Variants in ELP1 observed in about 807,000 individuals in gnomAD.
ELP1 encodes elongator acetyltransferase complex subunit 1, also known as elongator complex protein 1.
In ELP1, 131 loss-of-function variants were observed where a neutral mutation model predicts 183.2. The ratio of observed to expected loss-of-function variants is 0.72; its 90% CI spans 0.62 to 0.83. The LOEUF (loss-of-function observed/expected upper bound fraction) is 0.83. Among genes scored for constraint, ELP1 ranks in the 40% least tolerant of loss-of-function variants. The pLI is 0.00. For synonymous variants in ELP1, 555 were observed against 569.0 expected (o/e 0.98, Z 0.35); for missense variants, 1,550 against 1,594.9 (o/e 0.97, Z 0.48).
chr9:108,890,311 A>G (rs1278590444), intron 28 of ELP1, among the ~76,000 whole-genome samples: 1 of 150,960 alleles, frequency 6.6e-6, no homozygotes, highest in East Asian at 1.9e-4. Context: ...TGATAATCCC[A>G]TACACTGGTA....
At chr9:108,928,249 A>G (rs1829881671) in intron 3 of ELP1, among the ~76,000 whole-genome samples, 1 of 152,332 alleles carries the variant, frequency 6.6e-6, no homozygotes, top group Non-Finnish European at 1.5e-5. Context: ...GGATATCAAG[A>G]GAATAGACCT....
chr9:108,880,596 T>C (rs62577314), intron 31 of ELP1, among the ~76,000 whole-genome samples: 8,079 of 152,220 alleles, frequency 0.053, 324 homozygotes, highest in South Asian at 0.13. Context: ...CTAATAAATA[T>C]TGTCCAATGG....
At chr9:108,915,284 C>G (rs1304216898) in intron 10 of ELP1, among the ~76,000 whole-genome samples, 1 of 105,548 alleles carries the variant, frequency 9.5e-6, no homozygotes, top group African/African-American at 4.3e-5. Flanking sequence ...TAGGCTATGG[C>G]ACCCAGCTAT....
rs912180365 is a variant in ELP1, at chr9:108,902,977, G to A, written c.1751-35C>T. The A allele has an allele frequency of 5.3e-6, 8 of 1,505,790 alleles. No individual in the cohort carries two copies. The African/African-American group carries it at 8.2e-5, about 16-fold the overall frequency. The allele number at this position is 1,505,790 out of a possible 1,614,324, so 93.3% of individuals were successfully genotyped here. A position where few individuals can be genotyped will look rare whatever the true frequency, so the allele number is the denominator to read the frequency against. On this transcript the variant is annotated intron_variant, in intron 15 of 36. Transcript: ENST00000374647. Reference sequence around the variant, plus strand: ...TCACAGATCTAGTTCACAAATAGCTGATGCGCTCTTTGCAAAAAACCATCA... The same window carrying A: ...TCACAGATCTAGTTCACAAATAGCTAATGCGCTCTTTGCAAAAAACCATCA...
intron 14 of ELP1, among the ~76,000 whole-genome samples, chr9:108,904,064 A>C (rs900978974): frequency 5.3e-5 from 8 of 152,170 alleles, no homozygotes; most frequent in African/African-American, 1.9e-4. Context: ...TACCAATATC[A>C]TTTCTGTCTG....
chr9:108,917,488 C>G, intron 9 of ELP1, 59 bp downstream of exon 9: 1 of 1,451,842 alleles, frequency 6.9e-7, no homozygotes, highest in Non-Finnish European at 9.5e-7. Flanking sequence ...AAAAAAAATT[C>G]CCTCTATAGC....
At chr9:108,870,042 C>G (rs1827386426) in intron 36 of ELP1, among the ~76,000 whole-genome samples, 1 of 152,026 alleles carries the variant, frequency 6.6e-6, no homozygotes, top group Non-Finnish European at 1.5e-5. Context: ...GTGGCACGAT[C>G]ATGACTCACT....
At chr9:108,932,232 A>T (rs970380425) in intron 1 of ELP1, among the ~76,000 whole-genome samples, 1 of 152,258 alleles carries the variant, frequency 6.6e-6, no homozygotes, top group African/African-American at 2.4e-5. Flanking sequence ...GATAAGAGAA[A>T]GGTAAGTTTA....
chr9:108,899,521 T>A (rs1828688693), intron 20 of ELP1, among the ~76,000 whole-genome samples: 2 of 152,094 alleles, frequency 1.3e-5, no homozygotes, highest in African/African-American at 4.8e-5. Flanking sequence ...CAAGGTTTGG[T>A]GTGTACAATC....
Position 108,869,195 on chromosome 9 carries a change from A to C in ELP1, c.3932-13T>G. On this transcript the variant is annotated splice_polypyrimidine_tract_variant and intron_variant, in intron 36 of 36. Coordinates refer to ENST00000374647, the MANE Select transcript of ELP1 (RefSeq NM_003640.5). ...AAAAGCTCAGCATCTAAAAGCAAGA[A>C]AGGAAGGGAAATTGTGACAGACATA... 1 of 1,612,650 alleles carries C rather than the reference A, an allele frequency of 6.2e-7. No homozygotes were observed. The highest frequency in any genetic ancestry group is 8.5e-7 in the Non-Finnish European group (1 of 1,178,636).
chr9:108,895,792 T>C (rs979415343), intron 25 of ELP1, among the ~76,000 whole-genome samples: 14 of 152,086 alleles, frequency 9.2e-5, no homozygotes, highest in African/African-American at 3.1e-4. Flanking sequence ...TCATAGCAAA[T>C]GTACCAACAT....
At chr9:108,925,137 C>G (rs1829786550) in intron 5 of ELP1, among the ~76,000 whole-genome samples, 1 of 152,058 alleles carries the variant, frequency 6.6e-6, no homozygotes, top group African/African-American at 2.4e-5. Flanking sequence ...GATCACCCTG[C>G]CTCTCATCTC....
At chr9:108,894,120 T>C (rs1828449317) in intron 25 of ELP1, 54 bp from the exon 26 acceptor site, 4 of 1,112,228 alleles carry the variant, frequency 3.6e-6, no homozygotes, top group South Asian at 2.7e-5. Flanking sequence ...TATATAGGAA[T>C]AGAAACTAGC....
chr9:108,875,887 G>T (rs907951601), intron 35 of ELP1, among the ~76,000 whole-genome samples: 1 of 151,988 alleles, frequency 6.6e-6, no homozygotes, highest in Non-Finnish European at 1.5e-5. Context: ...CTCTAGCCTG[G>T]GTGACAGAGC....
chr9:108,879,502 G>A lies in ELP1; in HGVS notation c.3516C>T (p.Val1172=), dbSNP rs371811911. 2.5e-6 allele frequency: 4 copies of A among 1,613,976 alleles called. No individual in the cohort carries two copies. Among genetic ancestry groups the A allele is most frequent in the Non-Finnish European group, 3.4e-6 (4 of 1,180,020 alleles). ...ESDLFSETSS[V]VSGSEMSGKY... ...TGCCACTCATCTCACTGCCACTCAC[G>A]ACACTGCTAGTTTCAGAGAAGAGGT... The change falls in exon 33 of 37, where the codon GTC becomes GTT. Residue 1172 remains valine (V), a synonymous_variant. Transcript: ENST00000374647.
chr9:108,889,300 TG>T, intron 29 of ELP1, 31 bp downstream of exon 29: 10 of 1,593,622 alleles, frequency 6.3e-6, no homozygotes, highest in South Asian at 1.1e-5. Context: ...TCTTGCTGAC[TG>T]GGGGGTTTAG....
intron 12 of ELP1, 22 bp from the exon 13 acceptor site, chr9:108,908,426 A>G (rs749234002): frequency 6.4e-7 from 1 of 1,565,558 alleles, no homozygotes; most frequent in East Asian, 2.2e-5. Context: ...AAATGCAAAT[A>G]TTATCATCGT....
At position 108,901,506 on chromosome 9, in the gene ELP1, C is replaced by G; in HGVS notation, c.1933G>C (p.Ala645Pro). ...IEVASNITSFAVYDEFLLLTT... is the reference protein window; with the variant it reads ...IEVASNITSFPVYDEFLLLTT... ...AACAATAAAAACTCATCATATACTGCAAATGACGTGATATTTGACGCAACC... is the reference window on the plus strand; with the variant it reads ...AACAATAAAAACTCATCATATACTGGAAATGACGTGATATTTGACGCAACC... The change falls in exon 18 of 37, where the codon GCA becomes CCA. Residue 645 changes from alanine to proline, a missense_variant. Coordinates refer to ENST00000374647, the MANE Select transcript of ELP1 (RefSeq NM_003640.5). The G allele has an allele frequency of 6.2e-7, 1 of 1,614,044 alleles. No individual in the cohort carries two copies. Among genetic ancestry groups the G allele is most frequent in the Non-Finnish European group, 8.5e-7 (1 of 1,179,940 alleles).
At chr9:108,899,934 G>A (rs1828703594) in intron 19 of ELP1, 39 bp from the exon 20 acceptor site, 1 of 1,528,952 alleles carries the variant, frequency 6.5e-7, no homozygotes, top group Non-Finnish European at 9.1e-7. Context: ...TAATTAAGTA[G>A]AAAACATTTA....
Sources: gnomAD v4.1 joint callset for allele counts (sites outside exome capture counted in the v4.1 genomes callset) on GRCh38, gnomAD v4.1.1 for gene constraint, MANE v1.5 for transcripts, NCBI Gene and HGNC (gene_info 2026-07-23, HGNC 2026-07-21) for gene names.